KCNQ5: variants seen among roughly 807,000 people sequenced by gnomAD.
The protein encoded by KCNQ5 is potassium voltage-gated channel subfamily KQT member 5.
Under a neutral mutation model 98.2 loss-of-function variants are expected in KCNQ5, and 30 were observed. The ratio of observed to expected loss-of-function variants is 0.31; its 90% CI spans 0.23 to 0.41. The LOEUF (loss-of-function observed/expected upper bound fraction) is 0.41, where lower values mean the gene tolerates loss of function less well. Among genes scored for constraint, KCNQ5 ranks in the 10% least tolerant of loss-of-function variants. The pLI is 1.00. For missense variants in KCNQ5, 835 were observed against 1,182.5 expected (o/e 0.71, Z 4.31); for synonymous variants, 458 against 449.4 (o/e 1.02, Z -0.24).
At chr6:73,096,336 CAAAA>C (rs151045845) in intron 5 of KCNQ5, among the ~76,000 whole-genome samples, 7 of 115,274 alleles carry the variant, frequency 6.1e-5, no homozygotes, top group Admixed American at 1.8e-4. Context: ...GGTCCTTAGG[CAAAA>C]AAAAAAAAAA....
At chr6:73,191,154 T>TCATCCAAC (rs1765575274) in intron 12 of KCNQ5, among the ~76,000 whole-genome samples, 1 of 152,208 alleles carries the variant, frequency 6.6e-6, no homozygotes. Context: ...TCATTAAGTT[T>TCATCCAAC]CATCCAACCA....
chr6:72,767,148 A>G (rs946168602), intron 1 of KCNQ5, among the ~76,000 whole-genome samples: 3 of 152,010 alleles, frequency 2.0e-5, no homozygotes, highest in African/African-American at 7.2e-5. Flanking sequence ...GTTTGTAGGA[A>G]AGGAATGAAG....
At chr6:73,120,112 G>T (rs762614647) in intron 7 of KCNQ5, among the ~76,000 whole-genome samples, 9 of 151,578 alleles carry the variant, frequency 5.9e-5, no homozygotes, top group African/African-American at 9.7e-5. Flanking sequence ...CAGGCATGGT[G>T]GTGGGCACCT....
At chr6:72,844,113 A>T (rs1776922703) in intron 1 of KCNQ5, among the ~76,000 whole-genome samples, 1 of 152,276 alleles carries the variant, frequency 6.6e-6, no homozygotes, top group Non-Finnish European at 1.5e-5. Context: ...TATGTAACAA[A>T]CCTGCATGTT....
intron 1 of KCNQ5, among the ~76,000 whole-genome samples, chr6:72,870,809 A>G (rs1167587610): frequency 6.6e-6 from 1 of 152,186 alleles, no homozygotes; most frequent in Non-Finnish European, 1.5e-5. Flanking sequence ...CCAGTAATGC[A>G]GATTTCTTAT....
At position 73,023,328 on chromosome 6, in the gene KCNQ5, T is replaced by G. The variant is rs529593596; in HGVS notation, c.490-18608T>G. On this transcript the variant is annotated intron_variant, in intron 2 of 13. Coordinates refer to ENST00000370398, the MANE Select transcript of KCNQ5 (RefSeq NM_019842.4). ...GTGTTCGACAATTTCAGAGGAGAGA[T>G]AGGCTGGTTTTAAATATATTACATT... Among the ~76,000 whole-genome samples the G allele has an allele frequency of 5.3e-5, 8 of 152,144 alleles. No homozygotes were observed. In the South Asian group the frequency reaches 8.3e-4, roughly 16 times the overall value.
chr6:72,909,908 C>G (rs1034056872), intron 1 of KCNQ5, among the ~76,000 whole-genome samples: 1 of 152,074 alleles, frequency 6.6e-6, no homozygotes, highest in African/African-American at 2.4e-5. Flanking sequence ...AGACATCAAC[C>G]CACTTTTACT....
At chr6:72,642,063 G>C (rs1289290855) in intron 1 of KCNQ5, among the ~76,000 whole-genome samples, 1 of 151,042 alleles carries the variant, frequency 6.6e-6, no homozygotes, top group Non-Finnish European at 1.5e-5. Context: ...GGGAAGGGAA[G>C]GGGGATGTAA....
chr6:72,701,408 T>G (rs1768798782), intron 1 of KCNQ5, among the ~76,000 whole-genome samples: 1 of 152,148 alleles, frequency 6.6e-6, no homozygotes, highest in African/African-American at 2.4e-5. Context: ...AGAAGCAAAT[T>G]TTATGATATC....
At chr6:72,752,064 C>G (rs1464215154) in intron 1 of KCNQ5, among the ~76,000 whole-genome samples, 1 of 152,082 alleles carries the variant, frequency 6.6e-6, no homozygotes, top group Non-Finnish European at 1.5e-5. Context: ...TGGGGGTAAG[C>G]TATCTCCATA....
intron 1 of KCNQ5, among the ~76,000 whole-genome samples, chr6:72,866,751 CA>C (rs1267546833): frequency 6.6e-6 from 1 of 152,194 alleles, no homozygotes; most frequent in Non-Finnish European, 1.5e-5. Context: ...AGCATGAAAA[CA>C]GTTTCAGAAT....
intron 1 of KCNQ5, among the ~76,000 whole-genome samples, chr6:72,645,432 A>G (rs1440567236): frequency 6.6e-6 from 1 of 151,718 alleles, no homozygotes; most frequent in Non-Finnish European, 1.5e-5. Flanking sequence ...ATCAATAAAA[A>G]ACCCCACCAA....
chr6:73,090,805 T>C (rs1036997756), intron 5 of KCNQ5, among the ~76,000 whole-genome samples: 22 of 152,132 alleles, frequency 1.4e-4, no homozygotes, highest in African/African-American at 5.1e-4. Context: ...TGGCGATCAT[T>C]AAAGAGTCAG....
intron 1 of KCNQ5, among the ~76,000 whole-genome samples, chr6:72,829,985 T>A (rs1776172773): frequency 6.6e-6 from 1 of 152,134 alleles, no homozygotes; most frequent in African/African-American, 2.4e-5. Flanking sequence ...CATTCACAAT[T>A]GCTTCAAAGA....
At chr6:72,892,100 G>A (rs891780243) in intron 1 of KCNQ5, among the ~76,000 whole-genome samples, 11 of 152,128 alleles carry the variant, frequency 7.2e-5, no homozygotes, top group Non-Finnish European at 1.2e-4. Flanking sequence ...ATCACAGAAT[G>A]ATGGACAAAG....
At chr6:72,680,496 C>T (rs761335850) in intron 1 of KCNQ5, among the ~76,000 whole-genome samples, 3 of 152,120 alleles carry the variant, frequency 2.0e-5, no homozygotes, top group Non-Finnish European at 4.4e-5. Context: ...GCAGGAATAC[C>T]ATCCATGCTA....
chr6:72,713,100 C>G (rs1029573490), intron 1 of KCNQ5, among the ~76,000 whole-genome samples: 5 of 152,130 alleles, frequency 3.3e-5, no homozygotes, highest in African/African-American at 1.2e-4. Flanking sequence ...TATAAAAATG[C>G]TGGTTGGGTT....
chr6:72,875,576 C>T (rs552804618), intron 1 of KCNQ5, among the ~76,000 whole-genome samples: 1 of 152,112 alleles, frequency 6.6e-6, no homozygotes, highest in Non-Finnish European at 1.5e-5. Flanking sequence ...GCAGAAACTT[C>T]TTTCATTCTT....
At chr6:73,048,215 A>G (rs968826555) in intron 3 of KCNQ5, among the ~76,000 whole-genome samples, 1 of 152,252 alleles carries the variant, frequency 6.6e-6, no homozygotes, top group African/African-American at 2.4e-5. Flanking sequence ...GTGGTCTGAG[A>G]AAGTCTTTCT....
Sources: allele counts gnomAD v4.1 joint callset (sites outside exome capture counted in the v4.1 genomes callset), GRCh38; gene constraint gnomAD v4.1.1; transcripts MANE v1.5; gene names NCBI Gene and HGNC (gene_info 2026-07-23, HGNC 2026-07-21).